Variants in TNIK observed in about 807,000 individuals in gnomAD.
TNIK encodes TRAF2 and NCK-interacting protein kinase.
TNIK carries 49 observed loss-of-function variants against 191.3 expected under a neutral mutation model. That is an observed-to-expected ratio of 0.26 (90% CI 0.20 to 0.32). The LOEUF (loss-of-function observed/expected upper bound fraction) is 0.32. TNIK is among the 10% of genes least tolerant of loss of function. The pLI, the probability that TNIK is intolerant of heterozygous loss-of-function variation, is 1.00. For missense variants in TNIK, 1,155 were observed against 1,702.3 expected (o/e 0.68, Z 5.66); for synonymous variants, 594 against 600.9 (o/e 0.99, Z 0.17).
intron 4 of TNIK, among the ~76,000 whole-genome samples, chr3:171,201,593 C>G (rs1289030176): frequency 6.6e-6 from 1 of 152,078 alleles, no homozygotes; most frequent in African/African-American, 2.4e-5. Context: ...AACTCAGTAA[C>G]TTTGGTACAG....
At chr3:171,085,713 G>T (rs1721264329) in intron 24 of TNIK, among the ~76,000 whole-genome samples, 1 of 152,190 alleles carries the variant, frequency 6.6e-6, no homozygotes, top group South Asian at 2.1e-4. Flanking sequence ...CTCTGGCCTG[G>T]TGATGCAAGT....
At chr3:171,459,925 A>ACCCCCCC in intron 1 of TNIK, 82 bp downstream of exon 1, 3 of 494,216 alleles carry the variant, frequency 6.1e-6, no homozygotes, top group Non-Finnish European at 1.1e-5. Context: ...CCCCTGCCCC[A>ACCCCCCC]GCCCCAGCCC....
intron 12 of TNIK, 35 bp downstream of exon 12, chr3:171,157,425 G>T: frequency 6.5e-7 from 1 of 1,548,610 alleles, no homozygotes; most frequent in Non-Finnish European, 8.7e-7. Context: ...CAACTGAGAG[G>T]CTTGGGGTCA....
In TNIK at chr3:171,390,507, C is replaced by G. The variant is rs889745815; in HGVS notation, c.58-20822G>C. Among the ~76,000 whole-genome samples the G allele has an allele frequency of 7.4e-4, 113 of 152,290 alleles. 1 individual carries two copies. Among genetic ancestry groups the G allele is most frequent in the African/African-American group, 2.6e-3 (109 of 41,552 alleles). On this transcript the variant is annotated intron_variant, in intron 1 of 32. Coordinates refer to ENST00000436636, the MANE Select transcript of TNIK (RefSeq NM_015028.4). ...AGCAGTTGTTTACAAATTGCAAATG[C>G]CTATGAAAAGCCCCTATTTCACAGG...
intron 2 of TNIK, among the ~76,000 whole-genome samples, chr3:171,364,312 T>C (rs1367466064): frequency 6.6e-6 from 1 of 152,044 alleles, no homozygotes; most frequent in African/African-American, 2.4e-5. Flanking sequence ...GTCTTGCTTC[T>C]GCAGACTACT....
At chr3:171,280,002 A>G (rs1750239455) in intron 2 of TNIK, among the ~76,000 whole-genome samples, 1 of 152,224 alleles carries the variant, frequency 6.6e-6, no homozygotes, top group Non-Finnish European at 1.5e-5. Context: ...AGGAAATGTT[A>G]CAGTTCTACA....
intron 32 of TNIK, among the ~76,000 whole-genome samples, chr3:171,064,873 A>G (rs565973185): frequency 2.2e-4 from 33 of 152,250 alleles, no homozygotes; most frequent in African/African-American, 7.2e-4. Flanking sequence ...GCTAACAACA[A>G]CTTCTTAGGG....
intron 15 of TNIK, among the ~76,000 whole-genome samples, chr3:171,132,318 A>G (rs1364752412): frequency 6.6e-6 from 1 of 152,258 alleles, no homozygotes; most frequent in Non-Finnish European, 1.5e-5. Context: ...TCGTTTCAAC[A>G]TGAAAACTAA....
intron 2 of TNIK, among the ~76,000 whole-genome samples, chr3:171,282,156 T>A (rs931883584): frequency 3.5e-4 from 53 of 152,080 alleles, no homozygotes; most frequent in African/African-American, 1.3e-3. Flanking sequence ...TATTTGCTTA[T>A]CATCAAAATA....
chr3:171,241,911 G>T (rs1016359499), intron 2 of TNIK, among the ~76,000 whole-genome samples: 1 of 151,736 alleles, frequency 6.6e-6, no homozygotes, highest in Non-Finnish European at 1.5e-5. Context: ...GCAAGCTATT[G>T]CAAGGACAAA....
chr3:171,249,387 C>A (rs1745979168), intron 2 of TNIK, among the ~76,000 whole-genome samples: 1 of 152,168 alleles, frequency 6.6e-6, no homozygotes, highest in African/African-American at 2.4e-5. Context: ...ATGGAGTTGT[C>A]ATTTTCTTTG....
intron 17 of TNIK, among the ~76,000 whole-genome samples, chr3:171,125,593 A>C (rs927599335): frequency 6.6e-6 from 1 of 152,212 alleles, no homozygotes; most frequent in African/African-American, 2.4e-5. Context: ...TCATCAATGA[A>C]ATATCCATTA....
At chr3:171,125,287 G>C (rs13073145) in intron 17 of TNIK, among the ~76,000 whole-genome samples, 8,456 of 152,310 alleles carry the variant, frequency 0.056, 301 homozygotes, top group Middle Eastern at 0.13. Flanking sequence ...CTTGGAATGA[G>C]TAATGACTTG....
chr3:171,117,074 AGAAGG>A (rs1212881878), intron 18 of TNIK, among the ~76,000 whole-genome samples: 1 of 152,242 alleles, frequency 6.6e-6, no homozygotes, highest in Non-Finnish European at 1.5e-5. Context: ...TTCTAGCTCC[AGAAGG>A]GAAGTGTTTG....
At chr3:171,289,209 G>A (rs1029125753) in intron 2 of TNIK, among the ~76,000 whole-genome samples, 2 of 152,180 alleles carry the variant, frequency 1.3e-5, no homozygotes, top group Admixed American at 1.3e-4. Flanking sequence ...GTTCTGCAAA[G>A]ACTAATTGTG....
chr3:171,313,648 G>GTA (rs1754297494), intron 2 of TNIK, among the ~76,000 whole-genome samples: 2 of 152,044 alleles, frequency 1.3e-5, no homozygotes, highest in Admixed American at 1.3e-4. Context: ...TAACAAACAT[G>GTA]TAGCCATGTT....
intron 2 of TNIK, among the ~76,000 whole-genome samples, chr3:171,255,023 A>G (rs1404744637): frequency 6.6e-6 from 1 of 152,188 alleles, no homozygotes; most frequent in Non-Finnish European, 1.5e-5. Context: ...TGAGAAAGCC[A>G]TTTTTAACAT....
chr3:171,347,900 A>C (rs540571030), intron 2 of TNIK, among the ~76,000 whole-genome samples: 8 of 152,306 alleles, frequency 5.3e-5, no homozygotes, highest in Non-Finnish European at 1.0e-4. Flanking sequence ...AATAGCTAAG[A>C]GAGTGTAAAT....
In TNIK at chr3:171,128,882, C is replaced by T. The variant is rs755215976; in HGVS notation, c.1609-4G>A. On this transcript the variant is annotated splice_polypyrimidine_tract_variant and splice_region_variant and intron_variant, in intron 15 of 32. Transcript: ENST00000436636. ...TGAGCCTTGACCGTTCTTCTACCTA[C>T]AACCCAAAAAAAAAAAAAAAAAAAA... 3.3e-6 allele frequency: 4 copies of T among 1,194,126 alleles called. No individual in the cohort carries two copies. In the African/African-American group the frequency reaches 7.0e-5, roughly 21 times the overall value. 74.0% of individuals were successfully genotyped at this position (1,194,126 alleles called of 1,614,324 possible).
Sources: gnomAD v4.1 joint callset for allele counts (sites outside exome capture counted in the v4.1 genomes callset) on GRCh38, gnomAD v4.1.1 for gene constraint, MANE v1.5 for transcripts, NCBI Gene and HGNC (gene_info 2026-07-23, HGNC 2026-07-21) for gene names.